The following NPAS3 variants were observed in gnomAD, a reference collection of about 807,000 sequenced individuals.
NPAS3 encodes neuronal PAS domain-containing protein 3.
Under a neutral mutation model 73.1 loss-of-function variants are expected in NPAS3, and 14 were observed. That is an observed-to-expected ratio of 0.19 (90% CI 0.13 to 0.30). The LOEUF is 0.30. Ranked by LOEUF, NPAS3 falls within the 10% of genes least tolerant of loss-of-function variation. NPAS3 has a pLI of 1.00. For missense variants in NPAS3, 1,096 were observed against 1,250.0 expected (o/e 0.88, Z 1.86); for synonymous variants, 620 against 541.5 (o/e 1.14, Z -2.01).
chr14:33,531,128 T>G (rs1431816032), intron 4 of NPAS3, among the ~76,000 whole-genome samples: 2 of 152,104 alleles, frequency 1.3e-5, no homozygotes, highest in Admixed American at 1.3e-4. Flanking sequence ...GGTCAGCCCC[T>G]TGGACCATTA....
chr14:33,040,139 AGTAACCTGCAGGG>A (rs1253834151), intron 1 of NPAS3, among the ~76,000 whole-genome samples: 1 of 152,158 alleles, frequency 6.6e-6, no homozygotes, highest in Non-Finnish European at 1.5e-5. Flanking sequence ...TAGAAGTGGC[AGTAACCTGCAGGG>A]GTATTCCCCT....
intron 4 of NPAS3, among the ~76,000 whole-genome samples, chr14:33,511,183 A>G (rs1242682064): frequency 1.3e-5 from 2 of 152,090 alleles, no homozygotes; most frequent in African/African-American, 4.8e-5. Flanking sequence ...AGGGAGATGC[A>G]GATGGCACAG....
intron 4 of NPAS3, among the ~76,000 whole-genome samples, chr14:33,488,192 A>C (rs2051707296): frequency 6.6e-6 from 1 of 152,142 alleles, no homozygotes; most frequent in Non-Finnish European, 1.5e-5. Context: ...ATTCTAAGAC[A>C]GAAAACAGCA....
intron 7 of NPAS3, among the ~76,000 whole-genome samples, chr14:33,773,093 A>T (rs1421617089): frequency 1.3e-5 from 2 of 152,152 alleles, no homozygotes; most frequent in Non-Finnish European, 2.9e-5. Flanking sequence ...AAGAAACAAA[A>T]ATAAAATGGA....
chr14:33,758,365 A>C (rs1305536635), intron 7 of NPAS3, among the ~76,000 whole-genome samples: 1 of 152,234 alleles, frequency 6.6e-6, no homozygotes, highest in African/African-American at 2.4e-5. Context: ...GGCTCGCCCT[A>C]GTGCCTTGTC....
intron 6 of NPAS3, among the ~76,000 whole-genome samples, chr14:33,731,247 A>G (rs2061390864): frequency 6.6e-6 from 1 of 151,998 alleles, no homozygotes; most frequent in Non-Finnish European, 1.5e-5. Context: ...AAAAAATACT[A>G]AAAAACATTT....
intron 2 of NPAS3, among the ~76,000 whole-genome samples, chr14:33,136,328 C>A (rs565498346): frequency 4.6e-5 from 7 of 151,182 alleles, no homozygotes; most frequent in Non-Finnish European, 1.0e-4. Flanking sequence ...CAAAGTGCTG[C>A]GATTACAGGT....
At chr14:33,677,251 T>C (rs2059795480) in intron 6 of NPAS3, among the ~76,000 whole-genome samples, 1 of 152,228 alleles carries the variant, frequency 6.6e-6, no homozygotes, top group South Asian at 2.1e-4. Flanking sequence ...TTTGTGGTTT[T>C]GTCCTTTTTG....
chr14:33,546,363 A>C (rs1297494415), intron 4 of NPAS3, among the ~76,000 whole-genome samples: 6 of 152,164 alleles, frequency 3.9e-5, no homozygotes, highest in African/African-American at 1.4e-4. Context: ...ACCAGGCATC[A>C]CCCTGTAGCT....
chr14:33,667,570 A>C (rs954627592), intron 5 of NPAS3, among the ~76,000 whole-genome samples: 10 of 152,200 alleles, frequency 6.6e-5, no homozygotes, highest in African/African-American at 2.4e-4. Context: ...AATTTAACTT[A>C]TTCCTTTAAA....
chr14:33,076,522 T>C (rs534800956), intron 2 of NPAS3, among the ~76,000 whole-genome samples: 6 of 152,352 alleles, frequency 3.9e-5, no homozygotes, highest in South Asian at 2.1e-4. Context: ...GTGGTACTTA[T>C]ATGAAAGCTT....
chr14:33,097,007 C>G (rs1041991162), intron 2 of NPAS3, among the ~76,000 whole-genome samples: 1 of 152,182 alleles, frequency 6.6e-6, no homozygotes, highest in African/African-American at 2.4e-5. Context: ...GCACCTTAAT[C>G]AAGGAATAAA....
At chr14:32,935,981 C>T (rs562463376), upstream of NPAS3, among the ~76,000 whole-genome samples, 382 of 152,296 alleles carry the variant, frequency 2.5e-3, 1 homozygote, top group Middle Eastern at 6.8e-3. Flanking sequence ...ATTTGTGTTT[C>T]CCAGATTGCA....
At chr14:33,801,019 C>T (rs751544686) in exon 12 of NPAS3, 89 of 1,589,874 alleles carry the variant, frequency 5.6e-5, no homozygotes, top group Non-Finnish European at 7.4e-5. Flanking sequence ...ACGTGTTCAC[C>T]ACGGCCGAGG....
intron 7 of NPAS3, among the ~76,000 whole-genome samples, chr14:33,760,230 G>C (rs2062240339): frequency 6.6e-6 from 1 of 151,990 alleles, no homozygotes; most frequent in Non-Finnish European, 1.5e-5. Flanking sequence ...CCAACTACTT[G>C]ACACCATTTC....
At chr14:33,473,350 A>G (rs1386390155) in intron 4 of NPAS3, among the ~76,000 whole-genome samples, 1 of 152,234 alleles carries the variant, frequency 6.6e-6, no homozygotes, top group Non-Finnish European at 1.5e-5. Context: ...CATGATTCAC[A>G]TGCAAGTCCT....
intron 3 of NPAS3, among the ~76,000 whole-genome samples, chr14:33,304,718 T>A (rs1173275582): frequency 1.3e-5 from 2 of 152,166 alleles, no homozygotes; most frequent in Non-Finnish European, 2.9e-5. Flanking sequence ...TAGGTTTATC[T>A]AGCATCTATA....
At chr14:33,651,220 C>G (rs555782904) in intron 5 of NPAS3, among the ~76,000 whole-genome samples, 1 of 152,318 alleles carries the variant, frequency 6.6e-6, no homozygotes, top group South Asian at 2.1e-4. Flanking sequence ...CGCCAAAGTG[C>G]TGCACTCTGC....
intron 4 of NPAS3, among the ~76,000 whole-genome samples, chr14:33,559,651 A>G (rs2055537788): frequency 6.6e-6 from 1 of 152,252 alleles, no homozygotes; most frequent in Non-Finnish European, 1.5e-5. Flanking sequence ...TAATTCAGAC[A>G]TTTAATTTGT....
Sources: allele counts gnomAD v4.1 joint callset (sites outside exome capture counted in the v4.1 genomes callset), GRCh38; gene constraint gnomAD v4.1.1; transcripts MANE v1.5; gene names NCBI Gene and HGNC (gene_info 2026-07-23, HGNC 2026-07-21).